The following LIMS1 variants were observed in gnomAD, a reference collection of about 807,000 sequenced individuals.
LIMS1 encodes LIM and senescent cell antigen-like-containing domain protein 1.
Under a neutral mutation model 44.1 loss-of-function variants are expected in LIMS1, and 18 were observed. That is an observed-to-expected ratio of 0.41 (90% confidence interval 0.28 to 0.61). LIMS1 has a LOEUF of 0.61. Ranked by LOEUF, LIMS1 falls within the 20% of genes least tolerant of loss-of-function variation. The pLI is 0.32. For missense variants in LIMS1, 201 were observed against 422.0 expected, an observed-to-expected ratio of 0.48 and a Z score of 4.59; for synonymous variants, 93 against 149.1, an observed-to-expected ratio of 0.62 and a Z score of 2.74.
chr2:108,550,029 A>G (rs1684629131), intron 1 of LIMS1, among the ~76,000 whole-genome samples: 1 of 152,156 alleles, frequency 6.6e-6, no homozygotes, highest in Non-Finnish European at 1.5e-5. Context: ...ATGATATCCT[A>G]GAGTTTAGTG....
At chr2:108,622,026 A>T (rs1161402947) in intron 1 of LIMS1, among the ~76,000 whole-genome samples, 1 of 152,208 alleles carries the variant, frequency 6.6e-6, no homozygotes, top group East Asian at 1.9e-4. Context: ...CTAAAACAAC[A>T]CAATTTTATT....
chr2:108,604,736 T>C (rs1687185456), intron 1 of LIMS1, among the ~76,000 whole-genome samples: 1 of 152,094 alleles, frequency 6.6e-6, no homozygotes. Flanking sequence ...CCTGCTCCTC[T>C]GAGTTGGATG....
At chr2:108,546,678 CTT>C (rs377170614) in intron 1 of LIMS1, among the ~76,000 whole-genome samples, 134 of 88,690 alleles carry the variant, frequency 1.5e-3, no homozygotes, top group South Asian at 0.01. Context: ...TTTGAGTGAT[CTT>C]TTTTTTTTTT....
chr2:108,669,192 G>T (rs1691992360), intron 2 of LIMS1, among the ~76,000 whole-genome samples: 1 of 152,138 alleles, frequency 6.6e-6, no homozygotes, highest in South Asian at 2.1e-4. Flanking sequence ...AGGATCACTT[G>T]AGGTCAGGAG....
At chr2:108,607,396 G>A in intron 1 of LIMS1, 2 of 824,966 alleles carry the variant, frequency 2.4e-6, no homozygotes, top group Non-Finnish European at 3.9e-6. Context: ...TTTACACAAG[G>A]GTGTATTTTT....
chr2:108,648,457 A>G (rs1336439126), intron 1 of LIMS1, among the ~76,000 whole-genome samples: 4 of 152,216 alleles, frequency 2.6e-5, no homozygotes, highest in African/African-American at 9.6e-5. Flanking sequence ...GGAAAAAACT[A>G]CTTTGAATTT....
At chr2:108,564,441 C>T (rs1323091632) in intron 1 of LIMS1, among the ~76,000 whole-genome samples, 2 of 152,024 alleles carry the variant, frequency 1.3e-5, no homozygotes, top group Admixed American at 6.6e-5. Context: ...TTAGTAGCTC[C>T]GAGGTATGCC....
chr2:108,640,045 C>G (rs1275036681), intron 1 of LIMS1, among the ~76,000 whole-genome samples: 2 of 152,158 alleles, frequency 1.3e-5, no homozygotes, highest in Non-Finnish European at 2.9e-5. Flanking sequence ...TTTTGCTGCC[C>G]ATTCTGTTTT....
chr2:108,642,889 T>C (rs953940029), intron 1 of LIMS1, among the ~76,000 whole-genome samples: 4 of 152,208 alleles, frequency 2.6e-5, no homozygotes, highest in Non-Finnish European at 5.9e-5. Flanking sequence ...CAGCCTTCTT[T>C]ACAGGACACT....
chr2:108,536,339 G>A (rs1684141182), intron 1 of LIMS1, among the ~76,000 whole-genome samples: 1 of 152,226 alleles, frequency 6.6e-6, no homozygotes, highest in South Asian at 2.1e-4. Flanking sequence ...CCTCCCGCCA[G>A]TCCCTGGCAG....
At chr2:108,684,000 G>T in exon 10 of LIMS1, 3 of 1,460,478 alleles carry the variant, frequency 2.1e-6, no homozygotes, top group Non-Finnish European at 2.8e-6. Flanking sequence ...AAGGAAATAA[G>T]TTCCTTTATT....
chr2:108,603,805 T>A (rs1317111356), intron 1 of LIMS1, among the ~76,000 whole-genome samples: 1 of 152,196 alleles, frequency 6.6e-6, no homozygotes, highest in East Asian at 1.9e-4. Context: ...TAAAGGTTTA[T>A]CAATTTTGTT....
intron 1 of LIMS1, among the ~76,000 whole-genome samples, chr2:108,536,817 C>T (rs1477180608): frequency 6.6e-6 from 1 of 152,252 alleles, no homozygotes; most frequent in South Asian, 2.1e-4. Context: ...TCCCAAACTC[C>T]TGGGTTCCAG....
At chr2:108,577,210 A>C (rs1170717316) in intron 1 of LIMS1, among the ~76,000 whole-genome samples, 1 of 152,232 alleles carries the variant, frequency 6.6e-6, no homozygotes, top group African/African-American at 2.4e-5. Context: ...CACACTGTTA[A>C]GTCAGTGCTC....
intron 1 of LIMS1, among the ~76,000 whole-genome samples, chr2:108,630,772 C>T (rs891962969): frequency 6.6e-6 from 1 of 152,154 alleles, no homozygotes; most frequent in African/African-American, 2.4e-5. Context: ...GATTTCACCA[C>T]CCATGGCTCT....
intron 1 of LIMS1, among the ~76,000 whole-genome samples, chr2:108,618,399 C>T (rs1285978501): frequency 6.6e-6 from 1 of 152,178 alleles, no homozygotes; most frequent in Non-Finnish European, 1.5e-5. Context: ...TCCTCCCTGT[C>T]TTTGTCATGG....
intron 1 of LIMS1, among the ~76,000 whole-genome samples, chr2:108,641,738 G>T (rs552866652): frequency 3.9e-5 from 6 of 152,060 alleles, no homozygotes; most frequent in Admixed American, 3.3e-4. Flanking sequence ...CTTTTTGCCT[G>T]TGCATTCAAA....
intron 1 of LIMS1, among the ~76,000 whole-genome samples, chr2:108,586,317 ATTTAC>A (rs1558797847): frequency 6.6e-6 from 1 of 152,214 alleles, no homozygotes; most frequent in Non-Finnish European, 1.5e-5. Context: ...ACTGGAGCCT[ATTTAC>A]AAACTCTTCG....
chr2:108,551,696 CACTAGTATATATGTATATAGTAT>C (rs1684721561), intron 1 of LIMS1, among the ~76,000 whole-genome samples: 1 of 143,642 alleles, frequency 7.0e-6, no homozygotes, highest in African/African-American at 2.6e-5. Context: ...TGTATACATA[CACTAGTATATATGTATATAGTAT>C]ATGTATAATG....
Sources: gnomAD v4.1 joint callset for allele counts (sites outside exome capture counted in the v4.1 genomes callset) on GRCh38, gnomAD v4.1.1 for gene constraint, MANE v1.5 for transcripts, NCBI Gene and HGNC (gene_info 2026-07-23, HGNC 2026-07-21) for gene names.